The following NME5 variants were observed in gnomAD, a reference collection of about 807,000 sequenced individuals.
NME5 encodes the protein nucleoside diphosphate kinase 5.
Under a neutral mutation model 21.6 loss-of-function variants are expected in NME5, and 18 were observed. That is an observed-to-expected ratio of 0.83 (90% CI 0.58 to 1.24). The LOEUF (loss-of-function observed/expected upper bound fraction) is 1.24. NME5 is among the 50% of genes most tolerant of loss of function. The pLI, the probability that NME5 is intolerant of heterozygous loss-of-function variation, is 0.00. For missense variants in NME5, 223 were observed against 255.4 expected, an observed-to-expected ratio of 0.87 and a Z score of 0.86; for synonymous variants, 70 against 80.6, an observed-to-expected ratio of 0.87 and a Z score of 0.71.
intron 4 of NME5, chr5:138,127,697 CT>C (rs1245583789): frequency 2.3e-5 from 23 of 984,822 alleles, no homozygotes; most frequent in Middle Eastern, 5.2e-4. Context: ...AGGTTTACAA[CT>C]TCTCTAACAG....
intron 5 of NME5, among the ~76,000 whole-genome samples, chr5:138,118,194 C>T (rs1294641851): frequency 5.3e-5 from 8 of 151,464 alleles, no homozygotes; most frequent in Admixed American, 2.0e-4. Flanking sequence ...GGCACAATCT[C>T]GGCTCACTGC....
intron 2 of NME5, among the ~76,000 whole-genome samples, chr5:138,136,941 C>T (rs1364256858): frequency 6.6e-6 from 1 of 151,830 alleles, no homozygotes; most frequent in East Asian, 1.9e-4. Context: ...CCGTGCCTGG[C>T]CTTGTTGATA....
At chr5:138,123,428 T>C (rs1057037900) in intron 4 of NME5, among the ~76,000 whole-genome samples, 5 of 152,128 alleles carry the variant, frequency 3.3e-5, no homozygotes, top group African/African-American at 7.2e-5. Flanking sequence ...CGAGTTCAAG[T>C]TTTTTTAGAT....
intron 2 of NME5, among the ~76,000 whole-genome samples, chr5:138,132,135 G>A (rs941294202): frequency 6.6e-5 from 10 of 152,276 alleles, no homozygotes; most frequent in Admixed American, 2.6e-4. Context: ...CGAGGCAGGC[G>A]GACTGCTTGA....
At chr5:138,128,201 G>A (rs1003757762) in intron 4 of NME5, among the ~76,000 whole-genome samples, 10 of 152,082 alleles carry the variant, frequency 6.6e-5, no homozygotes, top group African/African-American at 2.4e-4. Context: ...CGGCGACAGT[G>A]AGACACTGTC....
intron 5 of NME5, among the ~76,000 whole-genome samples, chr5:138,117,240 A>G (rs1751181738): frequency 6.6e-6 from 1 of 151,326 alleles, no homozygotes; most frequent in African/African-American, 2.4e-5. Flanking sequence ...AAGAAAAAAA[A>G]TCTTAAAAGA....
intron 2 of NME5, among the ~76,000 whole-genome samples, chr5:138,133,118 C>T (rs1581385964): frequency 6.8e-6 from 1 of 147,022 alleles, no homozygotes; most frequent in Admixed American, 6.8e-5. Flanking sequence ...TTTTTTGAGA[C>T]GGAGTCTCAT....
At chr5:138,116,702 A>G (rs1262084014) in intron 5 of NME5, 1 of 153,706 alleles carries the variant, frequency 6.5e-6, no homozygotes. Context: ...AGAATCCAGG[A>G]ATAAACCCAC....
At chr5:138,129,923 C>A (rs987573369) in intron 2 of NME5, among the ~76,000 whole-genome samples, 6 of 152,230 alleles carry the variant, frequency 3.9e-5, no homozygotes, top group Non-Finnish European at 7.3e-5. Flanking sequence ...CACCACTGCA[C>A]TCCAGCCCGG....
intron 2 of NME5, among the ~76,000 whole-genome samples, chr5:138,133,738 G>C (rs1289178146): frequency 6.6e-6 from 1 of 152,164 alleles, no homozygotes; most frequent in Non-Finnish European, 1.5e-5. Flanking sequence ...ACAGTGCAAA[G>C]GACAAAACTT....
chr5:138,137,641 G>A (rs573415198), intron 2 of NME5, among the ~76,000 whole-genome samples: 86 of 151,318 alleles, frequency 5.7e-4, no homozygotes, highest in African/African-American at 2.0e-3. Context: ...TAAAAATACT[G>A]ACTGAATAAG....
chr5:138,123,813 T>C (rs1027365511), intron 4 of NME5, among the ~76,000 whole-genome samples: 1 of 152,122 alleles, frequency 6.6e-6, no homozygotes, highest in Admixed American at 6.6e-5. Context: ...CTGTCTTCCA[T>C]AGTGGCAGCA....
intron 4 of NME5, among the ~76,000 whole-genome samples, chr5:138,124,221 T>G (rs1388905345): frequency 6.6e-6 from 1 of 151,934 alleles, no homozygotes; most frequent in Admixed American, 6.6e-5. Flanking sequence ...CAGGTTGGTC[T>G]TGAATTCCTG....
intron 2 of NME5, among the ~76,000 whole-genome samples, chr5:138,133,919 A>C: frequency 6.8e-6 from 1 of 147,046 alleles, no homozygotes; most frequent in South Asian, 2.1e-4. Context: ...TGGTTGTACA[A>C]CAATGTGAAT....
At chr5:138,117,850 G>T (rs1751196792) in intron 5 of NME5, among the ~76,000 whole-genome samples, 1 of 151,928 alleles carries the variant, frequency 6.6e-6, no homozygotes, top group African/African-American at 2.4e-5. Flanking sequence ...GGGCGTGGTG[G>T]TGTTCGCCTG....
intron 5 of NME5, among the ~76,000 whole-genome samples, chr5:138,118,220 G>A (rs1275415739): frequency 6.6e-6 from 1 of 150,528 alleles, no homozygotes; most frequent in Non-Finnish European, 1.5e-5. Context: ...CCGCCTCCTG[G>A]GTTCACGCCA....
rs1751543915 is a variant in NME5, at chr5:138,130,777, T to C, written c.130-1309A>G. On this transcript the variant is annotated intron_variant, in intron 2 of 5. Coordinates refer to ENST00000265191, the MANE Select transcript of NME5 (RefSeq NM_003551.3). ...TCGTCTCTACCGAAAATACAAAAAA[T>C]TAGCCAGGTGTGGTGGCACGCGCCT... Among the ~76,000 whole-genome samples the C allele has an allele frequency of 2.7e-5, 4 of 150,570 alleles. No homozygotes were observed. The South Asian group carries it at 8.4e-4, about 32-fold the overall frequency.
At chr5:138,115,994 G>A (rs939517284) in intron 5 of NME5, among the ~76,000 whole-genome samples, 1 of 152,104 alleles carries the variant, frequency 6.6e-6, no homozygotes, top group African/African-American at 2.4e-5. Flanking sequence ...CCTACATGTG[G>A]AAAACCCTAA....
At chr5:138,122,605 T>G (rs1474325900) in intron 4 of NME5, among the ~76,000 whole-genome samples, 1 of 151,858 alleles carries the variant, frequency 6.6e-6, no homozygotes, top group Non-Finnish European at 1.5e-5. Flanking sequence ...TATGGGCAAA[T>G]GTTTTATTCA....
Sources: allele counts gnomAD v4.1 joint callset (sites outside exome capture counted in the v4.1 genomes callset), GRCh38; gene constraint gnomAD v4.1.1; transcripts MANE v1.5; gene names NCBI Gene and HGNC (gene_info 2026-07-23, HGNC 2026-07-21).